The following POU6F2 variants were observed in gnomAD, a reference collection of about 807,000 sequenced individuals.
POU6F2 encodes POU class 6 homeobox 2.
POU6F2 carries 31 observed loss-of-function variants against 71.3 expected under a neutral mutation model. That is an observed-to-expected ratio of 0.43 (90% CI 0.33 to 0.59). POU6F2 has a LOEUF of 0.59. Ranked by LOEUF, POU6F2 falls within the 20% of genes least tolerant of loss-of-function variation. The pLI, the probability that POU6F2 is intolerant of heterozygous loss-of-function variation, is 0.04. For synonymous variants in POU6F2, 347 were observed against 355.7 expected, an observed-to-expected ratio of 0.98 and a Z score of 0.27; for missense variants, 783 against 856.8, an observed-to-expected ratio of 0.91 and a Z score of 1.07.
At position 39,003,026 on chromosome 7, in the gene POU6F2, G is replaced by C. The variant is rs564971719; in HGVS notation, c.105+24968G>C. Among the ~76,000 whole-genome samples the C allele has an allele frequency of 2.6e-5, 4 of 152,138 alleles. No individual in the cohort carries two copies. The South Asian group carries it at 6.2e-4, about 24-fold the overall frequency. On this transcript the variant is annotated intron_variant, in intron 1 of 9. Transcript: ENST00000518318. ...AAGCCAACACAATTTAGTTATCTTC[G>C]TTTCCGAATCTGGAAGACTTTAATG...
At chr7:39,426,859 G>A (rs138319516) in intron 6 of POU6F2, among the ~76,000 whole-genome samples, 2 of 152,282 alleles carry the variant, frequency 1.3e-5, no homozygotes, top group Non-Finnish European at 2.9e-5. Flanking sequence ...CTGGTTTTCA[G>A]TAACCTCCTC....
chr7:39,027,698 C>G (rs75272673), intron 1 of POU6F2, among the ~76,000 whole-genome samples: 33 of 152,296 alleles, frequency 2.2e-4, no homozygotes, highest in African/African-American at 7.9e-4. Flanking sequence ...GGCAGTTTGC[C>G]AATGTTGCTA....
At chr7:38,981,186 A>T (rs868328104) in intron 1 of POU6F2, among the ~76,000 whole-genome samples, 4 of 152,234 alleles carry the variant, frequency 2.6e-5, no homozygotes, top group African/African-American at 9.6e-5. Flanking sequence ...TTACACAGTT[A>T]ATCAGTTTCT....
At chr7:39,262,079 A>G (rs1035153953) in intron 4 of POU6F2, among the ~76,000 whole-genome samples, 2 of 152,212 alleles carry the variant, frequency 1.3e-5, no homozygotes, top group Admixed American at 6.5e-5. Flanking sequence ...CAATGGTGCC[A>G]GTTTGGGGAG....
At chr7:39,268,729 A>G (rs1207703873) in intron 4 of POU6F2, among the ~76,000 whole-genome samples, 2 of 152,220 alleles carry the variant, frequency 1.3e-5, no homozygotes, top group African/African-American at 2.4e-5. Context: ...TCCACTTTAT[A>G]TATAAATCCA....
chr7:39,341,090 G>A (rs919595739), intron 5 of POU6F2, among the ~76,000 whole-genome samples: 1 of 152,188 alleles, frequency 6.6e-6, no homozygotes, highest in East Asian at 1.9e-4. Flanking sequence ...TGACAGTAGC[G>A]ATGGTATCCT....
chr7:39,001,702 G>A (rs974038553), intron 1 of POU6F2, among the ~76,000 whole-genome samples: 1 of 151,884 alleles, frequency 6.6e-6, no homozygotes, highest in Non-Finnish European at 1.5e-5. Context: ...TGATGTTGAT[G>A]GTGATGTGAT....
intron 2 of POU6F2, chr7:39,132,581 A>G (rs945818304): frequency 6.6e-6 from 1 of 152,246 alleles, no homozygotes; most frequent in Non-Finnish European, 1.5e-5. Flanking sequence ...CTCCTTTCAG[A>G]CTCAACTGTA....
chr7:39,242,651 G>A (rs962585076), intron 4 of POU6F2, among the ~76,000 whole-genome samples: 82 of 152,206 alleles, frequency 5.4e-4, no homozygotes, highest in African/African-American at 1.9e-3. Context: ...CATAAACCAA[G>A]TCTGAGGGGA....
At chr7:39,201,915 C>A (rs1287380344) in intron 2 of POU6F2, among the ~76,000 whole-genome samples, 1 of 152,114 alleles carries the variant, frequency 6.6e-6, no homozygotes, top group Non-Finnish European at 1.5e-5. Flanking sequence ...CAAGGTTATG[C>A]GTGATACATC....
chr7:38,995,995 G>T (rs1350403839), intron 1 of POU6F2, among the ~76,000 whole-genome samples: 1 of 146,878 alleles, frequency 6.8e-6, no homozygotes, highest in Non-Finnish European at 1.5e-5. Flanking sequence ...GCAAGATATT[G>T]CTGGTCATGC....
At chr7:38,995,425 A>G (rs918849202) in intron 1 of POU6F2, among the ~76,000 whole-genome samples, 2 of 152,356 alleles carry the variant, frequency 1.3e-5, no homozygotes, top group East Asian at 3.9e-4. Flanking sequence ...TACAAATGTA[A>G]CAAATCTGCA....
intron 5 of POU6F2, among the ~76,000 whole-genome samples, chr7:39,360,224 A>G (rs1786349491): frequency 6.6e-6 from 1 of 152,202 alleles, no homozygotes; most frequent in Non-Finnish European, 1.5e-5. Flanking sequence ...ACCAAGGGAA[A>G]GTGCTCCTTT....
chr7:39,091,844 C>A (rs1056725225), intron 2 of POU6F2, among the ~76,000 whole-genome samples: 4 of 152,196 alleles, frequency 2.6e-5, no homozygotes, highest in Non-Finnish European at 5.9e-5. Context: ...TTCAAGTGGA[C>A]CTTGTTTGTT....
intron 5 of POU6F2, among the ~76,000 whole-genome samples, chr7:39,397,928 C>A (rs1787212272): frequency 6.6e-6 from 1 of 151,448 alleles, no homozygotes; most frequent in Non-Finnish European, 1.5e-5. Flanking sequence ...AAGCAATTCT[C>A]CTGCCTCAGC....
chr7:39,175,543 G>A (rs1323447087), intron 2 of POU6F2, among the ~76,000 whole-genome samples: 3 of 152,222 alleles, frequency 2.0e-5, no homozygotes, highest in African/African-American at 4.8e-5. Context: ...ACTTTTAGGG[G>A]CCCCTGAAAA....
chr7:39,204,518 C>T (rs1793967085), intron 3 of POU6F2, among the ~76,000 whole-genome samples, 192 bp downstream of exon 3: 2 of 151,894 alleles, frequency 1.3e-5, no homozygotes, highest in South Asian at 4.2e-4. Context: ...GTTTGCAAAA[C>T]TCTTCTCTCT....
intron 4 of POU6F2, among the ~76,000 whole-genome samples, chr7:39,316,319 T>C (rs1785267318): frequency 1.3e-5 from 2 of 152,198 alleles, no homozygotes; most frequent in Non-Finnish European, 2.9e-5. Context: ...TTTGATTTCC[T>C]TTTTTAACTC....
At chr7:39,027,903 A>G (rs1241499274) in intron 1 of POU6F2, among the ~76,000 whole-genome samples, 2 of 152,190 alleles carry the variant, frequency 1.3e-5, no homozygotes, top group African/African-American at 4.8e-5. Context: ...ACTCAAATTT[A>G]AAAGAAAATG....
Sources: gnomAD v4.1 joint callset for allele counts (sites outside exome capture counted in the v4.1 genomes callset) on GRCh38, gnomAD v4.1.1 for gene constraint, MANE v1.5 for transcripts, NCBI Gene and HGNC (gene_info 2026-07-23, HGNC 2026-07-21) for gene names.